ZNF462: variants seen among roughly 807,000 people sequenced by gnomAD.
ZNF462 encodes zinc finger PBX1-interacting protein.
In ZNF462, 10 loss-of-function variants were observed where a neutral mutation model predicts 201.9. That is an observed-to-expected ratio of 0.05 (90% CI 0.03 to 0.08). The LOEUF is 0.08. ZNF462 is among the 10% of genes least tolerant of loss of function. ZNF462 has a pLI of 1.00. For synonymous variants in ZNF462, 1,227 were observed against 1,193.3 expected, an observed-to-expected ratio of 1.03 and a Z score of -0.58; for missense variants, 2,523 against 3,168.3, an observed-to-expected ratio of 0.80 and a Z score of 4.89.
intron 7 of ZNF462, among the ~76,000 whole-genome samples, chr9:106,951,553 G>C (rs911135570): frequency 6.6e-5 from 10 of 152,292 alleles, no homozygotes; most frequent in East Asian, 1.9e-4. Flanking sequence ...AATGAACAGA[G>C]GTGACTCTAC....
chr9:106,996,058 A>G (rs1358816729), intron 10 of ZNF462, among the ~76,000 whole-genome samples: 1 of 152,166 alleles, frequency 6.6e-6, no homozygotes, highest in Non-Finnish European at 1.5e-5. Flanking sequence ...GAGTGAGAAC[A>G]TGCAGTGTTT....
rs528297050 is a variant in ZNF462, at chr9:107,011,664, A to G, written c.*634A>G. 3 of 152,270 alleles carry G rather than the reference A, an allele frequency of 2.0e-5. No homozygotes were observed. The highest frequency in any genetic ancestry group is 6.5e-5 in the Admixed American group (1 of 15,292). 9.4% of individuals were successfully genotyped at this position (152,270 alleles called of 1,614,324 possible). A position where few individuals can be genotyped will look rare whatever the true frequency, so the allele number is the denominator to read the frequency against. On this transcript the variant is annotated 3_prime_UTR_variant, in exon 13 of 13. Coordinates refer to ENST00000277225, the MANE Select transcript of ZNF462 (RefSeq NM_021224.6). This position sits in a 1 kb window ranked among gnomAD's most constrained non-coding sequence, Gnocchi z 5.6. ...GCTGGGCAAGATGGTGAATGGAGAA[A>G]AAAAAAGAGTTTTAAAGAAAGGAAC... is the stretch of plus-strand genomic sequence containing the variant.
intron 7 of ZNF462, among the ~76,000 whole-genome samples, chr9:106,965,501 G>A (rs549917289): frequency 6.6e-6 from 1 of 152,090 alleles, no homozygotes; most frequent in South Asian, 2.1e-4. Context: ...AAAATGAATG[G>A]AGGCAGGTCA....
intron 7 of ZNF462, among the ~76,000 whole-genome samples, chr9:106,958,281 G>T (rs762070697): frequency 5.3e-5 from 8 of 152,066 alleles, no homozygotes; most frequent in Non-Finnish European, 1.0e-4. Flanking sequence ...TATCTCACCT[G>T]CTCCCTGCTT....
At chr9:106,900,085 A>G (rs1372776589) in intron 1 of ZNF462, among the ~76,000 whole-genome samples, 1 of 151,778 alleles carries the variant, frequency 6.6e-6, no homozygotes, top group Non-Finnish European at 1.5e-5. Context: ...CAGTGAGAAC[A>G]TACGATGTTT....
At chr9:106,931,455 A>T (rs180792029) in intron 4 of ZNF462, among the ~76,000 whole-genome samples, 367 of 152,334 alleles carry the variant, frequency 2.4e-3, no homozygotes, top group South Asian at 4.8e-3. Context: ...TATTTTTGTC[A>T]TCTGCCCTTC....
At chr9:106,864,054 C>CTCTCTCTCTCTCTG (rs1827187470) in intron 1 of ZNF462, among the ~76,000 whole-genome samples, 1 of 62,866 alleles carries the variant, frequency 1.6e-5, no homozygotes, top group Non-Finnish European at 3.3e-5. Flanking sequence ...CTCTCTCTCT[C>CTCTCTCTCTCTCTG]TCTCTCTCTC....
At position 106,925,397 on chromosome 9, in the gene ZNF462, A is replaced by C. The variant is rs141501264; in HGVS notation, c.1485A>C (p.Thr495=). 6.2e-7 allele frequency: 1 copy of C among 1,614,228 alleles called. No individual in the cohort carries two copies. Among genetic ancestry groups the C allele is most frequent in the Non-Finnish European group, 8.5e-7 (1 of 1,180,042 alleles). ...LGAHKQCHTG[T]TSDWDAVNSQ... is the part of the protein sequence containing the mutation. ...CTCACAAACAGTGTCACACGGGTAC[A>C]ACGTCAGATTGGGATGCTGTGAATT... Residue 495 remains threonine (T), a synonymous_variant, in exon 3 of 13, where the codon ACA becomes ACC. Coordinates refer to ENST00000277225, the MANE Select transcript of ZNF462 (RefSeq NM_021224.6). The surrounding 1 kb of genome is among the most constrained non-coding windows in gnomAD (Gnocchi z 7.9).
At position 106,924,815 on chromosome 9, in the gene ZNF462, C is replaced by T; in HGVS notation, c.903C>T (p.Thr301=). ...KSAPSPTSNS[T]YLTMNAASRE... ...CCCCCAGCCCCACTTCCAACTCCAC[C>T]TATCTGACCATGAATGCTGCAAGCC... The change falls in exon 3 of 13, where the codon ACC becomes ACT. Residue 301 remains threonine, a synonymous_variant. Transcript: ENST00000277225. The surrounding 1 kb of genome is among the most constrained non-coding windows in gnomAD (Gnocchi z 6.2). 6.2e-7 allele frequency: 1 copy of T among 1,614,170 alleles called. No homozygotes were observed. The highest frequency in any genetic ancestry group is 2.2e-5 in the East Asian group (1 of 44,876).
rs1470905115 is a variant in ZNF462 at position 106,977,468 on chromosome 9, G to C, written c.6832+3195G>C. Among the ~76,000 whole-genome samples, 1 of 151,686 alleles carries C rather than the reference G, an allele frequency of 6.6e-6. No individual in the cohort carries two copies. Among genetic ancestry groups the C allele is most frequent in the African/African-American group, 2.4e-5 (1 of 40,936 alleles). Reference sequence around the variant, plus strand: ...TGTCTGTATAAATTGATATATTTAAGTAGAGAGAGAATCTACTTCGCTCAT... The same window carrying C: ...TGTCTGTATAAATTGATATATTTAACTAGAGAGAGAATCTACTTCGCTCAT... On this transcript the variant is annotated intron_variant, in intron 9 of 12. Coordinates refer to ENST00000277225, the MANE Select transcript of ZNF462 (RefSeq NM_021224.6). This position sits in a 1 kb window ranked among gnomAD's most constrained non-coding sequence, Gnocchi z 4.6.
Position 106,890,702 on chromosome 9 carries a change from C to G in ZNF462, c.-31+27347C>G, listed in dbSNP as rs10978666. Among the ~76,000 whole-genome samples the G allele has an allele frequency of 0.18, 27,675 of 152,122 alleles. 2,790 individuals are homozygous for G. Among genetic ancestry groups the G allele is most frequent in the South Asian group, 0.27 (1,298 of 4,810 alleles). ...GATATGGAATTTTGGAGGTCATTCC[C>G]TGCCTTTGTCCTCTGCTCTAAGGCT... On this transcript the variant is annotated intron_variant, in intron 1 of 12. Transcript: ENST00000277225. The surrounding 1 kb of genome is among the most constrained non-coding windows in gnomAD (Gnocchi z 4.2).
rs892055361 is a variant in ZNF462, at chr9:106,920,559, GCAA to G, written c.-30-2789_-30-2787del. ...CTGAGCTATTTTTGAGGCAGAGGCTGCAACAACATTAAAGCTAGAACCCATTAG... is the reference window on the plus strand; with the variant it reads ...CTGAGCTATTTTTGAGGCAGAGGCTGCAACATTAAAGCTAGAACCCATTAG... On this transcript the variant is annotated intron_variant, in intron 1 of 12. Transcript: ENST00000277225. This position sits in a 1 kb window ranked among gnomAD's most constrained non-coding sequence, Gnocchi z 4.3. Among the ~76,000 whole-genome samples, 2 of 152,188 alleles carry G rather than the reference GCAA, an allele frequency of 1.3e-5. No homozygotes were observed. Among genetic ancestry groups the G allele is most frequent in the Admixed American group, 1.3e-4 (2 of 15,272 alleles).
At chr9:106,939,173 A>T (rs532759952) in intron 7 of ZNF462, 66 bp downstream of exon 7, 7 of 1,398,196 alleles carry the variant, frequency 5.0e-6, no homozygotes, top group Non-Finnish European at 6.7e-6. Flanking sequence ...TTCATTGCCA[A>T]TCATTTTTTT....
At chr9:106,947,135 A>C (rs932339635) in intron 7 of ZNF462, among the ~76,000 whole-genome samples, 2 of 152,184 alleles carry the variant, frequency 1.3e-5, no homozygotes, top group African/African-American at 4.8e-5. Context: ...AGGCTCAGGA[A>C]ATGATATGTT....
Position 106,932,202 on chromosome 9 carries a change from G to C in ZNF462, c.6013-244G>C. 1 of 1,539,548 alleles carries C rather than the reference G, an allele frequency of 6.5e-7. No homozygotes were observed. Among genetic ancestry groups the C allele is most frequent in the Non-Finnish European group, 8.7e-7 (1 of 1,144,122 alleles). ...ATGTAGGGAGAAAAAGAAAGCTGGA[G>C]GCAATGATGATGGATATTTATTTTG... On this transcript the variant is annotated intron_variant, in intron 4 of 12. Transcript: ENST00000277225. The surrounding 1 kb of genome is among the most constrained non-coding windows in gnomAD (Gnocchi z 6.8).
chr9:106,939,594 G>C (rs1050909321), intron 7 of ZNF462, among the ~76,000 whole-genome samples: 7 of 152,164 alleles, frequency 4.6e-5, no homozygotes. Flanking sequence ...GATACCTTAG[G>C]GGTGACATAG....
chr9:106,999,533 G>A (rs1210297050), intron 10 of ZNF462, among the ~76,000 whole-genome samples: 7 of 152,124 alleles, frequency 4.6e-5, no homozygotes, highest in African/African-American at 7.2e-5. Context: ...ACTATCATAT[G>A]CCTACTTGAT....
In ZNF462 at chr9:106,927,443, C is replaced by A; in HGVS notation, c.3531C>A (p.Asn1177Lys). Residue 1177 changes from asparagine to lysine, a missense_variant, in exon 3 of 13, where the codon AAC (asparagine) becomes AAA (lysine). Asn to Lys is a moderately conservative substitution (Grantham distance 94). Coordinates refer to ENST00000277225, the MANE Select transcript of ZNF462 (RefSeq NM_021224.6). ...CACCCGCCCCCATACAACAGCTGAA[C>A]CGAAGCAGCTCTGAGAGAGATGGCC... The part of the protein sequence containing the change: ...PRPPAPIQQL[N>K]RSSSERDGPP... 6.2e-7 allele frequency: 1 copy of A among 1,612,356 alleles called. No homozygotes were observed. Among genetic ancestry groups the A allele is most frequent in the Non-Finnish European group, 8.5e-7 (1 of 1,178,962 alleles).
At chr9:106,949,456 C>A (rs919237366) in intron 7 of ZNF462, among the ~76,000 whole-genome samples, 8 of 152,324 alleles carry the variant, frequency 5.3e-5, no homozygotes, top group Non-Finnish European at 1.2e-4. Flanking sequence ...TGTGCCATCC[C>A]ATGTTACTGC....
Sources: gnomAD v4.1 joint callset for allele counts (sites outside exome capture counted in the v4.1 genomes callset) on GRCh38, gnomAD v4.1.1 for gene constraint, Gnocchi (gnomAD v3.1) non-coding constraint, MANE v1.5 for transcripts, NCBI Gene and HGNC (gene_info 2026-07-23, HGNC 2026-07-21) for gene names.